CLCN3: variants seen among roughly 807,000 people sequenced by gnomAD.
The protein encoded by CLCN3 is H(+)/Cl(-) exchange transporter 3.
Under a neutral mutation model 83.4 loss-of-function variants are expected in CLCN3, and 16 were observed. The ratio of observed to expected loss-of-function variants is 0.19; its 90% CI spans 0.13 to 0.29. CLCN3 has a LOEUF of 0.29. CLCN3 is among the 10% of genes least tolerant of loss of function. The pLI, the probability that CLCN3 is intolerant of heterozygous loss-of-function variation, is 1.00. For synonymous variants in CLCN3, 322 were observed against 346.2 expected (o/e 0.93, Z 0.78); for missense variants, 544 against 1,006.0 (o/e 0.54, Z 6.21).
At chr4:169,656,304 CTT>C (rs1478540450) in intron 2 of CLCN3, among the ~76,000 whole-genome samples, 1 of 152,178 alleles carries the variant, frequency 6.6e-6, no homozygotes, top group Non-Finnish European at 1.5e-5. Flanking sequence ...CCTCAGGAAA[CTT>C]ACATTCATGG....
intron 2 of CLCN3, among the ~76,000 whole-genome samples, chr4:169,657,152 G>T (rs1314926826): frequency 6.6e-6 from 1 of 152,010 alleles, no homozygotes; most frequent in Non-Finnish European, 1.5e-5. Context: ...AGATATACAT[G>T]TATATTGTGT....
intron 11 of CLCN3, among the ~76,000 whole-genome samples, chr4:169,707,662 A>G (rs1367547680): frequency 1.3e-5 from 2 of 152,152 alleles, no homozygotes; most frequent in African/African-American, 4.8e-5. Context: ...TGAAAATCTC[A>G]TCTTCATCAG....
At position 169,689,115 on chromosome 4, in the gene CLCN3, C is replaced by G; in HGVS notation, c.491C>G (p.Ala164Gly). ...CTAAAGGAGGGCATTTGCCTTAGTG[C>G]GTTGTGGTACAACCACGAACAGTGC... ...TDLKEGICLS[A>G]LWYNHEQCCW... Residue 164 changes from alanine (A) to glycine (G), a missense_variant, in exon 5 of 13, where the codon GCG (alanine) becomes GGG (glycine). Physicochemically the swap from Ala to Gly is moderately conservative, Grantham distance 60. Coordinates refer to ENST00000513761, the MANE Select transcript of CLCN3 (RefSeq NM_001829.4). 6.2e-7 allele frequency: 1 copy of G among 1,613,604 alleles called. No homozygotes were observed. The highest frequency in any genetic ancestry group is 8.5e-7 in the Non-Finnish European group (1 of 1,179,770).
At position 169,679,728 on chromosome 4, in the gene CLCN3, A is replaced by G. The variant is rs577816141; in HGVS notation, c.161-322A>G. Among the ~76,000 whole-genome samples the G allele has an allele frequency of 5.3e-5, 8 of 152,286 alleles. No homozygotes were observed. In the South Asian group the frequency reaches 1.4e-3, roughly 28 times the overall value. On this transcript the variant is annotated intron_variant, in intron 2 of 12. Coordinates refer to ENST00000513761, the MANE Select transcript of CLCN3 (RefSeq NM_001829.4). ...ACACGGCAAAACCCCATCTCCACCA[A>G]AAAATACAAAAATCAGTCAGGCGTG... is the stretch of plus-strand genomic sequence containing the variant.
At chr4:169,630,205 G>A (rs766685472) in intron 1 of CLCN3, among the ~76,000 whole-genome samples, 1 of 152,156 alleles carries the variant, frequency 6.6e-6, no homozygotes, top group African/African-American at 2.4e-5. Flanking sequence ...ATGATGCTGC[G>A]GTTTGGGGTA....
At position 169,673,099 on chromosome 4, in the gene CLCN3, A is replaced by G. The variant is rs375362858; in HGVS notation, c.161-6951A>G. Among the ~76,000 whole-genome samples, 13 of 152,250 alleles carry G rather than the reference A, an allele frequency of 8.5e-5. No individual in the cohort carries two copies. In the East Asian group the frequency reaches 1.5e-3, roughly 18 times the overall value. ...TAAAATTCCTTTTCACATTAGAAAT[A>G]TAGTGGCTTCTCCCCAGTTTAGGAT... On this transcript the variant is annotated intron_variant, in intron 2 of 12. Coordinates refer to ENST00000513761, the MANE Select transcript of CLCN3 (RefSeq NM_001829.4).
At chr4:169,699,925 C>G (rs375358399) in intron 9 of CLCN3, among the ~76,000 whole-genome samples, 1 of 151,932 alleles carries the variant, frequency 6.6e-6, no homozygotes, top group African/African-American at 2.4e-5. Flanking sequence ...AATAGAAAAG[C>G]CTAAACATTT....
At position 169,638,405 on chromosome 4, in the gene CLCN3, T is replaced by C. The variant is rs115335188; in HGVS notation, c.160+2317T>C. ...TCACTTCTTTTCAGAATATTGACACTTCAAGTTCTGGCTCCCTTGGATATT... is the reference window on the plus strand; with the variant it reads ...TCACTTCTTTTCAGAATATTGACACCTCAAGTTCTGGCTCCCTTGGATATT... On this transcript the variant is annotated intron_variant, in intron 2 of 12. Coordinates refer to ENST00000513761, the MANE Select transcript of CLCN3 (RefSeq NM_001829.4). Among the ~76,000 whole-genome samples the C allele has an allele frequency of 3.7e-3, 569 of 152,352 alleles. 6 individuals carry two copies. Among genetic ancestry groups the C allele is most frequent in the African/African-American group, 0.012 (510 of 41,584 alleles).
At chr4:169,711,279 G>A (rs1425434595) in intron 11 of CLCN3, among the ~76,000 whole-genome samples, 1 of 152,164 alleles carries the variant, frequency 6.6e-6, no homozygotes, top group Non-Finnish European at 1.5e-5. Flanking sequence ...TTGTTAGATT[G>A]TTATGAGCTA....
chr4:169,693,188 T>C (rs1732437627), intron 7 of CLCN3, among the ~76,000 whole-genome samples: 1 of 152,240 alleles, frequency 6.6e-6, no homozygotes, highest in Non-Finnish European at 1.5e-5. Flanking sequence ...TCAAACTGTT[T>C]AATCTTCAAT....
intron 2 of CLCN3, among the ~76,000 whole-genome samples, chr4:169,640,777 C>A (rs1730390659): frequency 6.6e-6 from 1 of 152,110 alleles, no homozygotes; most frequent in Non-Finnish European, 1.5e-5. Context: ...TAGAATTATT[C>A]TTATAATAGA....
At chr4:169,625,571 G>A (rs528606431) in intron 1 of CLCN3, among the ~76,000 whole-genome samples, 1 of 152,276 alleles carries the variant, frequency 6.6e-6, no homozygotes, top group African/African-American at 2.4e-5. Flanking sequence ...ACCTGGAATA[G>A]AAACTAAAGC....
Position 169,681,130 on chromosome 4 carries a change from C to A in CLCN3, c.318+923C>A, listed in dbSNP as rs1393042580. Among the ~76,000 whole-genome samples the A allele has an allele frequency of 2.0e-5, 3 of 152,258 alleles. No individual in the cohort carries two copies. In the East Asian group the frequency reaches 5.8e-4, roughly 29 times the overall value. The stretch of plus-strand genomic sequence containing the variant: ...GTGGTGCAATCTTGGCTCACTGCAA[C>A]CTCTGCCTCCCAGGTTCAAGCGATT... On this transcript the variant is annotated intron_variant, in intron 3 of 12. Transcript: ENST00000513761.
intron 7 of CLCN3, among the ~76,000 whole-genome samples, chr4:169,693,641 C>T (rs1374475976): frequency 6.6e-6 from 1 of 152,158 alleles, no homozygotes; most frequent in African/African-American, 2.4e-5. Flanking sequence ...AACTCAAAAC[C>T]ATCCTGTAGC....
chr4:169,686,565 C>T (rs34245020), intron 3 of CLCN3, among the ~76,000 whole-genome samples: 26,250 of 151,992 alleles, frequency 0.17, 2,915 homozygotes, highest in South Asian at 0.3. Context: ...TACAGGCGTT[C>T]GCCACCACAC....
chr4:169,635,314 G>A (rs967029386), intron 1 of CLCN3, among the ~76,000 whole-genome samples: 22 of 152,094 alleles, frequency 1.4e-4, no homozygotes, highest in Non-Finnish European at 2.9e-4. Flanking sequence ...CTAGTTAGGA[G>A]TAATACAGAT....
intron 3 of CLCN3, among the ~76,000 whole-genome samples, chr4:169,682,421 G>A (rs1560855574): frequency 6.6e-6 from 1 of 152,052 alleles, no homozygotes; most frequent in African/African-American, 2.4e-5. Context: ...GGATTACTTG[G>A]TTTCATTATT....
chr4:169,698,796 G>A (rs1364742439), intron 9 of CLCN3, among the ~76,000 whole-genome samples: 1 of 152,170 alleles, frequency 6.6e-6, no homozygotes, highest in African/African-American at 2.4e-5. Flanking sequence ...TAAGGTGTTC[G>A]TAGGGCATTC....
chr4:169,634,843 A>C (rs1436943296), intron 1 of CLCN3, among the ~76,000 whole-genome samples: 2 of 152,140 alleles, frequency 1.3e-5, no homozygotes, highest in African/African-American at 4.8e-5. Context: ...AGCTCTCAAA[A>C]CTTCACCTTT....
Sources: allele counts gnomAD v4.1 joint callset (sites outside exome capture counted in the v4.1 genomes callset), GRCh38; gene constraint gnomAD v4.1.1; transcripts MANE v1.5; gene names NCBI Gene and HGNC (gene_info 2026-07-23, HGNC 2026-07-21).